Variants in PACC1 observed in about 807,000 individuals in gnomAD.
PACC1 encodes proton-activated chloride channel.
PACC1 carries 34 observed loss-of-function variants against 39.7 expected under a neutral mutation model. The ratio of observed to expected loss-of-function variants is 0.86; its 90% CI spans 0.65 to 1.14. The LOEUF (loss-of-function observed/expected upper bound fraction) is 1.14, where lower values mean the gene tolerates loss of function less well. Ranked by LOEUF, PACC1 falls within the 50% of genes most tolerant of loss-of-function variation. PACC1 has a pLI of 0.00. For missense variants in PACC1, 379 were observed against 436.4 expected, an observed-to-expected ratio of 0.87 and a Z score of 1.17; for synonymous variants, 127 against 160.6, an observed-to-expected ratio of 0.79 and a Z score of 1.58.
chr1:212,391,343 A>C (rs1358856940), intron 2 of PACC1, among the ~76,000 whole-genome samples: 1 of 152,204 alleles, frequency 6.6e-6, no homozygotes, highest in Non-Finnish European at 1.5e-5. Flanking sequence ...TCTGGAGTGC[A>C]CCTCCAGCAA....
intron 2 of PACC1, among the ~76,000 whole-genome samples, chr1:212,407,193 G>A (rs1417406351): frequency 7.2e-5 from 11 of 152,198 alleles, no homozygotes; most frequent in African/African-American, 2.7e-4. Context: ...ACACAGAAAA[G>A]GGAGGCAGGA....
At position 212,386,235 on chromosome 1, in the gene PACC1, C is replaced by A. The variant is rs1661094917; in HGVS notation, c.343+656G>T. Among the ~76,000 whole-genome samples the A allele has an allele frequency of 6.6e-6, 1 of 152,130 alleles. No homozygotes were observed. The highest frequency in any genetic ancestry group is 2.1e-4 in the South Asian group (1 of 4,832). On this transcript the variant is annotated intron_variant, in intron 3 of 7. Transcript: ENST00000261455. The surrounding 1 kb of genome is among the most constrained non-coding windows in gnomAD (Gnocchi z 5.0). ...GAACAGGTGGCACACACTGGGTGGA[C>A]AGGGCCCAAGTCACACAGCTCATGC...
chr1:212,390,881 G>C (rs1041366037), intron 2 of PACC1, among the ~76,000 whole-genome samples: 1 of 152,262 alleles, frequency 6.6e-6, no homozygotes, highest in African/African-American at 2.4e-5. Flanking sequence ...CAAGGCGGCA[G>C]TGAGGCTGGG....
chr1:212,398,522 T>C (rs528021519), intron 2 of PACC1, among the ~76,000 whole-genome samples: 1 of 152,226 alleles, frequency 6.6e-6, no homozygotes, highest in Non-Finnish European at 1.5e-5. Flanking sequence ...AGGAACAGGT[T>C]ACTGTGGGCA....
At chr1:212,391,961 G>A (rs1460616775) in intron 2 of PACC1, among the ~76,000 whole-genome samples, 6 of 152,198 alleles carry the variant, frequency 3.9e-5, no homozygotes, top group African/African-American at 7.2e-5. Context: ...CCAAATCTAC[G>A]TCTGATTGGT....
At chr1:212,365,404 T>C (rs921879945) in intron 7 of PACC1, 28 bp from the exon 8 acceptor site, 40 of 1,572,824 alleles carry the variant, frequency 2.5e-5, no homozygotes, top group Non-Finnish European at 3.2e-5. Context: ...ACAAACAGGA[T>C]TACTGGTTTG....
intron 4 of PACC1, among the ~76,000 whole-genome samples, chr1:212,383,669 G>A (rs1038897686): frequency 6.6e-6 from 1 of 152,092 alleles, no homozygotes; most frequent in Non-Finnish European, 1.5e-5. Context: ...TATAGGTCTG[G>A]GTTTTGGTTT....
At chr1:212,409,569 T>C (rs1558184262) in intron 2 of PACC1, among the ~76,000 whole-genome samples, 2 of 152,186 alleles carry the variant, frequency 1.3e-5, no homozygotes, top group East Asian at 1.9e-4. Flanking sequence ...CTGCGTTAAG[T>C]GGTAGTACCA....
chr1:212,408,099 CA>C (rs1661988135), intron 2 of PACC1, among the ~76,000 whole-genome samples: 2 of 150,864 alleles, frequency 1.3e-5, no homozygotes, highest in African/African-American at 4.9e-5. Context: ...AAGAAAACAC[CA>C]CTGGTGTAGT....
In PACC1 at chr1:212,379,901, AG is replaced by A. The variant is rs532279691; in HGVS notation, c.631del (p.Leu211CysfsTer7). 2.5e-3 allele frequency: 4,081 copies of A among 1,614,184 alleles called. 6 individuals are homozygous for A. The highest frequency in any genetic ancestry group is 3.7e-3 in the Admixed American group (224 of 60,026). ...YLLFSSFQEF[L>X]QSPNRVGFMQ... ...GTGAACTCTAAAAGCCCACCTTTGC[AG>A]GAACTCCTGGAAAGAAGAGAAGAGG... On this transcript the variant is annotated frameshift_variant, in exon 5 of 8. Transcript: ENST00000261455. LOFTEE classifies it high-confidence loss of function.
At chr1:212,377,770 C>T in intron 5 of PACC1, 64 bp from the exon 6 acceptor site, 1 of 1,578,970 alleles carries the variant, frequency 6.3e-7, no homozygotes, top group South Asian at 1.2e-5. Flanking sequence ...GAGTCGAAGC[C>T]CCCACTGCAA....
At chr1:212,378,506 C>A (rs1022872984) in intron 5 of PACC1, among the ~76,000 whole-genome samples, 2 of 152,204 alleles carry the variant, frequency 1.3e-5, no homozygotes, top group Admixed American at 1.3e-4. Context: ...AGCCTCCCTG[C>A]CCCTGTAGCT....
chr1:212,392,136 A>G (rs1207646238), intron 2 of PACC1, among the ~76,000 whole-genome samples: 1 of 152,208 alleles, frequency 6.6e-6, no homozygotes, highest in Non-Finnish European at 1.5e-5. Flanking sequence ...TCAGACACAT[A>G]ATTGTCAGAT....
At chr1:212,384,218 G>A (rs912142455) in intron 4 of PACC1, among the ~76,000 whole-genome samples, 6 of 152,062 alleles carry the variant, frequency 3.9e-5, no homozygotes, top group Non-Finnish European at 8.8e-5. Context: ...TATTATTGAT[G>A]TTCTAGTCTG....
rs1662275052 is a variant in PACC1 at position 212,414,826 on chromosome 1, C to T, written c.-69G>A. The T allele has an allele frequency of 6.3e-7, 1 of 1,594,314 alleles. No homozygotes were observed. The highest frequency in any genetic ancestry group is 1.1e-5 in the South Asian group (1 of 90,436). ...GCGGCGCACGGACGCAGCACTGCGG[C>T]CGCTGCACCTGGACCTACCGGCTCC... On this transcript the variant is annotated 5_prime_UTR_variant, in exon 1 of 8. Transcript: ENST00000261455.
In PACC1 at chr1:212,377,476, G is replaced by A. The variant is rs557688532; in HGVS notation, c.783+86C>T. The A allele has an allele frequency of 1.8e-4, 285 of 1,570,472 alleles. 1 individual carries two copies. In the South Asian group the frequency reaches 3.1e-3, roughly 17 times the overall value. On this transcript the variant is annotated intron_variant, in intron 6 of 7. Transcript: ENST00000261455. ...CTCACCCTTAAGGCCCTGCTCAAAG[G>A]AGCCTTCTCTGCAAAGCTTCCCTCC...
intron 7 of PACC1, among the ~76,000 whole-genome samples, chr1:212,371,247 A>T (rs1005089416): frequency 4.3e-4 from 64 of 148,602 alleles, no homozygotes; most frequent in African/African-American, 1.6e-3. Context: ...ATTTCAAAAA[A>T]AAAAAAAAAA....
rs778564779 is a variant in PACC1 at position 212,365,241 on chromosome 1, C to T, written c.1027G>A (p.Gly343Ser). The T allele has an allele frequency of 6.2e-7, 1 of 1,613,678 alleles. No individual in the cohort carries two copies. Among genetic ancestry groups the T allele is most frequent in the Non-Finnish European group, 8.5e-7 (1 of 1,179,882 alleles). ...CAGCTTATGTGGCTCGTTGCCTGAC[C>T]TCTTCTTTTAAGGTATCTCTTTCTA... ...KIRKRYLKRR[G>S]QATSHIS The change falls in exon 8 of 8, where the codon GGT becomes AGT. Residue 343 changes from glycine (G) to serine (S), a missense_variant. Gly to Ser is a moderately conservative substitution (Grantham distance 56, BLOSUM62 0). Transcript: ENST00000261455.
intron 2 of PACC1, among the ~76,000 whole-genome samples, chr1:212,396,315 T>C (rs1661514347): frequency 6.6e-6 from 1 of 152,116 alleles, no homozygotes; most frequent in South Asian, 2.1e-4. Context: ...GAAACCATCA[T>C]TCTCAGCAAA....
Sources: gnomAD v4.1 joint callset for allele counts (sites outside exome capture counted in the v4.1 genomes callset) on GRCh38, gnomAD v4.1.1 for gene constraint, Gnocchi (gnomAD v3.1) non-coding constraint, MANE v1.5 for transcripts, NCBI Gene and HGNC (gene_info 2026-07-23, HGNC 2026-07-21) for gene names.